Variants in DLC1 observed in about 807,000 individuals in gnomAD.
DLC1 encodes DLC1 Rho GTPase activating protein.
A neutral mutation model predicts 140.3 loss-of-function variants in DLC1; 54 were observed. That is an observed-to-expected ratio of 0.38 (90% CI 0.31 to 0.48). The LOEUF is 0.48. Among genes scored for constraint, DLC1 ranks in the 20% least tolerant of loss-of-function variants. The probability of loss-of-function intolerance (pLI) is 0.96; values close to 1 mark genes in which losing one functional copy is unlikely to be tolerated. For synonymous variants in DLC1, 986 were observed against 728.1 expected (o/e 1.35, Z -5.70); for missense variants, 2,536 against 1,907.0 (o/e 1.33, Z -6.14).
At chr8:13,453,502 G>GTA (rs1324683217) in intron 2 of DLC1, among the ~76,000 whole-genome samples, 199 of 17,268 alleles carry the variant, frequency 0.012, 8 homozygotes, top group Middle Eastern at 0.091. Context: ...ATATATATAT[G>GTA]TATATATATA....
intron 5 of DLC1, among the ~76,000 whole-genome samples, chr8:13,265,698 C>T (rs925102001): frequency 1.3e-5 from 2 of 151,210 alleles, no homozygotes; most frequent in African/African-American, 4.9e-5. Context: ...TCCTTCCTTC[C>T]TCTCCTCTCC....
chr8:13,221,011 T>G (rs1320123005), intron 5 of DLC1, among the ~76,000 whole-genome samples: 8 of 152,138 alleles, frequency 5.3e-5, no homozygotes, highest in African/African-American at 1.9e-4. Flanking sequence ...AATTTAATGG[T>G]GTAGGCTTCT....
chr8:13,406,587 T>C (rs1276194355), intron 2 of DLC1, among the ~76,000 whole-genome samples: 1 of 152,184 alleles, frequency 6.6e-6, no homozygotes, highest in Non-Finnish European at 1.5e-5. Flanking sequence ...CATTTTTGGG[T>C]GAATCATCCT....
At chr8:13,470,444 A>C (rs577181989) in intron 2 of DLC1, among the ~76,000 whole-genome samples, 2 of 152,334 alleles carry the variant, frequency 1.3e-5, no homozygotes, top group Non-Finnish European at 2.9e-5. Context: ...CCTCATTAAA[A>C]AATGGACAAA....
At chr8:13,426,696 G>A (rs910284438) in intron 2 of DLC1, among the ~76,000 whole-genome samples, 2 of 152,020 alleles carry the variant, frequency 1.3e-5, no homozygotes, top group African/African-American at 2.4e-5. Flanking sequence ...CTTCTTCCTC[G>A]CAGATCTGTG....
chr8:13,261,487 A>C (rs563032599), intron 5 of DLC1, among the ~76,000 whole-genome samples: 1 of 152,202 alleles, frequency 6.6e-6, no homozygotes, highest in South Asian at 2.1e-4. Flanking sequence ...GAGTGACAGG[A>C]TATAGTTTAT....
At chr8:13,099,171 C>T (rs1476503666) in intron 9 of DLC1, among the ~76,000 whole-genome samples, 176 bp downstream of exon 9, 1 of 152,166 alleles carries the variant, frequency 6.6e-6, no homozygotes, top group African/African-American at 2.4e-5. Flanking sequence ...ACTCTATACC[C>T]ATTCAATCCT....
At chr8:13,296,666 C>T (rs143319480) in intron 5 of DLC1, among the ~76,000 whole-genome samples, 189 of 152,098 alleles carry the variant, frequency 1.2e-3, no homozygotes, top group African/African-American at 4.3e-3. Context: ...CTACTCTGTG[C>T]AAGATATCAC....
chr8:13,582,690 A>G (rs894113418), intron 1 of DLC1, among the ~76,000 whole-genome samples: 2 of 151,400 alleles, frequency 1.3e-5, no homozygotes, highest in Admixed American at 6.6e-5. Context: ...ACTTCCATAT[A>G]TATATATATT....
At chr8:13,196,097 C>CACACACAT (rs1181309029) in intron 5 of DLC1, among the ~76,000 whole-genome samples, 5 of 86,122 alleles carry the variant, frequency 5.8e-5, no homozygotes, top group African/African-American at 2.2e-4. Flanking sequence ...TGTATTGATA[C>CACACACAT]ACACACACAC....
chr8:13,391,281 T>A (rs1836749670), intron 4 of DLC1, among the ~76,000 whole-genome samples: 1 of 152,194 alleles, frequency 6.6e-6, no homozygotes, highest in African/African-American at 2.4e-5. Flanking sequence ...GCATGACAAT[T>A]CTCATGGCTC....
chr8:13,580,450 A>T (rs1321499487), intron 1 of DLC1, among the ~76,000 whole-genome samples: 1 of 152,172 alleles, frequency 6.6e-6, no homozygotes, highest in African/African-American at 2.4e-5. Context: ...CGAAGCTTAC[A>T]CAAAGCAGCA....
intron 1 of DLC1, among the ~76,000 whole-genome samples, chr8:13,508,574 A>T (rs1802215382): frequency 6.6e-6 from 1 of 151,934 alleles, no homozygotes. Flanking sequence ...CCCATCACCA[A>T]GCCCGGCTAA....
At chr8:13,206,885 T>C (rs1330783046) in intron 5 of DLC1, among the ~76,000 whole-genome samples, 1 of 151,982 alleles carries the variant, frequency 6.6e-6, no homozygotes, top group Non-Finnish European at 1.5e-5. Context: ...ATCAAATAAC[T>C]CAAATTTACT....
intron 4 of DLC1, among the ~76,000 whole-genome samples, chr8:13,309,061 T>A (rs568016399): frequency 7.9e-5 from 12 of 152,230 alleles, no homozygotes; most frequent in Non-Finnish European, 1.6e-4. Flanking sequence ...GTATAATTGA[T>A]GCTTATGAGA....
rs199716936 is a variant in DLC1, at chr8:13,100,602, C to T, written c.1735G>A (p.Gly579Arg). Reference protein sequence around the residue: ...DSHPKDGPSPGGTLMDLSERQ... With the variant: ...DSHPKDGPSPRGTLMDLSERQ... ...TCGCTGAGGTCCATCAGCGTGCCTCCGGGGCTGGGGCCGTCCTTCGGGTGG... is the reference window on the plus strand; with the variant it reads ...TCGCTGAGGTCCATCAGCGTGCCTCTGGGGCTGGGGCCGTCCTTCGGGTGG... The change falls in exon 9 of 18, where the codon GGA becomes AGA. Residue 579 changes from glycine (G) to arginine (R), a missense_variant. Transcript: ENST00000276297. The T allele has an allele frequency of 1.9e-6, 3 of 1,613,908 alleles. No individual in the cohort carries two copies. The highest frequency in any genetic ancestry group is 2.5e-6 in the Non-Finnish European group (3 of 1,179,964).
intron 5 of DLC1, among the ~76,000 whole-genome samples, chr8:13,251,796 A>G (rs1830018195): frequency 6.6e-6 from 1 of 152,196 alleles, no homozygotes; most frequent in Non-Finnish European, 1.5e-5. Flanking sequence ...GTTTGAAAGT[A>G]TTCCATGAGG....
chr8:13,407,623 A>G (rs1419882146), intron 2 of DLC1, among the ~76,000 whole-genome samples: 1 of 152,310 alleles, frequency 6.6e-6, no homozygotes, highest in Non-Finnish European at 1.5e-5. Flanking sequence ...CATATATAGC[A>G]TTGCTTGAAC....
At chr8:13,254,302 A>G (rs1195676723) in intron 5 of DLC1, among the ~76,000 whole-genome samples, 1 of 152,160 alleles carries the variant, frequency 6.6e-6, no homozygotes, top group Admixed American at 6.5e-5. Context: ...GTAGGGACAC[A>G]GGCCAGAACA....
Sources: allele counts gnomAD v4.1 joint callset (sites outside exome capture counted in the v4.1 genomes callset), GRCh38; gene constraint gnomAD v4.1.1; transcripts MANE v1.5; gene names NCBI Gene and HGNC (gene_info 2026-07-23, HGNC 2026-07-21).